VTA1: variants seen among roughly 807,000 people sequenced by gnomAD.
VTA1 encodes vacuolar protein sorting-associated protein VTA1 homolog.
Under a neutral mutation model 36.9 loss-of-function variants are expected in VTA1, and 24 were observed. The observed-to-expected ratio is 0.65, with a 90% CI of 0.47 to 0.91. The LOEUF (loss-of-function observed/expected upper bound fraction) is 0.91. Among genes scored for constraint, VTA1 ranks in the 40% least tolerant of loss-of-function variants. VTA1 has a pLI of 0.00. For synonymous variants in VTA1, 142 were observed against 130.2 expected (o/e 1.09, Z -0.62); for missense variants, 393 against 377.2 (o/e 1.04, Z -0.35).
intron 1 of VTA1, among the ~76,000 whole-genome samples, chr6:142,149,187 C>G (rs1415997115): frequency 1.3e-5 from 2 of 152,184 alleles, no homozygotes; most frequent in East Asian, 3.8e-4. Flanking sequence ...TAGCTTTACG[C>G]CTTTATCTTG....
intron 2 of VTA1, among the ~76,000 whole-genome samples, chr6:142,169,224 A>G (rs898852579): frequency 6.6e-6 from 1 of 152,182 alleles, no homozygotes; most frequent in African/African-American, 2.4e-5. Context: ...TTGGGTAATA[A>G]AACATGATTT....
intron 2 of VTA1, among the ~76,000 whole-genome samples, chr6:142,168,982 A>T (rs1164405895): frequency 6.6e-6 from 1 of 151,588 alleles, no homozygotes; most frequent in African/African-American, 2.4e-5. Flanking sequence ...TGTTAGCCAG[A>T]ATGGTCTCGA....
chr6:142,159,478 G>GTATTATTAT (rs199893577), intron 1 of VTA1, among the ~76,000 whole-genome samples: 62 of 134,842 alleles, frequency 4.6e-4, no homozygotes, highest in South Asian at 1.0e-3. Context: ...TTCATTTCAG[G>GTATTATTAT]TATTATTATT....
chr6:142,214,503 G>A (rs1157854045), intron 7 of VTA1, among the ~76,000 whole-genome samples: 3 of 152,118 alleles, frequency 2.0e-5, no homozygotes, highest in Non-Finnish European at 2.9e-5. Context: ...AGAACAGCAA[G>A]GGGGACATCC....
intron 7 of VTA1, among the ~76,000 whole-genome samples, chr6:142,212,134 T>C (rs889209802): frequency 2.1e-4 from 32 of 152,346 alleles, no homozygotes; most frequent in African/African-American, 7.5e-4. Flanking sequence ...TAAATACATT[T>C]ACCTTAGGAT....
chr6:142,202,737 G>C (rs903635516), intron 6 of VTA1, among the ~76,000 whole-genome samples: 1 of 151,938 alleles, frequency 6.6e-6, no homozygotes, highest in African/African-American at 2.4e-5. Flanking sequence ...GGGTGGAAAG[G>C]TGTCATAGAA....
At chr6:142,176,347 G>A (rs186433048) in intron 4 of VTA1, among the ~76,000 whole-genome samples, 128 of 152,222 alleles carry the variant, frequency 8.4e-4, no homozygotes, top group Non-Finnish European at 1.6e-3. Flanking sequence ...TTCTGCCCTC[G>A]TTGAGCTTAT....
intron 6 of VTA1, among the ~76,000 whole-genome samples, chr6:142,200,850 T>G (rs140511776): frequency 2.7e-4 from 41 of 152,088 alleles, no homozygotes; most frequent in African/African-American, 7.5e-4. Flanking sequence ...CCTATCATAT[T>G]TTATACACTC....
At chr6:142,187,046 ATTTCAT>A (rs1434054609) in intron 4 of VTA1, among the ~76,000 whole-genome samples, 3 of 152,164 alleles carry the variant, frequency 2.0e-5, no homozygotes, top group Non-Finnish European at 4.4e-5. Context: ...GGGCCCAGAT[ATTTCAT>A]TTTTAAAAGA....
intron 4 of VTA1, among the ~76,000 whole-genome samples, chr6:142,179,935 A>G (rs1038551954): frequency 6.6e-6 from 1 of 152,178 alleles, no homozygotes; most frequent in African/African-American, 2.4e-5. Flanking sequence ...TTTAGTTACA[A>G]TGTGGAATGA....
At chr6:142,160,801 T>C (rs1263731853) in intron 1 of VTA1, among the ~76,000 whole-genome samples, 1 of 152,148 alleles carries the variant, frequency 6.6e-6, no homozygotes, top group Non-Finnish European at 1.5e-5. Context: ...AGAATCTGTG[T>C]TCTCATTTTA....
intron 4 of VTA1, among the ~76,000 whole-genome samples, chr6:142,185,483 TA>T (rs1409604979): frequency 6.6e-6 from 1 of 152,180 alleles, no homozygotes; most frequent in Non-Finnish European, 1.5e-5. Flanking sequence ...AGGTTAATAA[TA>T]AACATTTTAA....
chr6:142,215,996 G>C (rs983249784), intron 7 of VTA1, among the ~76,000 whole-genome samples: 3 of 152,010 alleles, frequency 2.0e-5, no homozygotes, highest in Non-Finnish European at 4.4e-5. Context: ...TCTGCAGCTC[G>C]TCTGTAACTT....
chr6:142,198,611 C>T lies in VTA1; in HGVS notation c.693C>T (p.Ser231=), dbSNP rs1775616750. 1.9e-6 allele frequency: 3 copies of T among 1,608,332 alleles called. No individual in the cohort carries two copies. Among genetic ancestry groups the T allele is most frequent in the Admixed American group, 3.4e-5 (2 of 59,512 alleles). The change falls in exon 6 of 8, where the codon AGC becomes AGT. Residue 231 remains serine (S), a synonymous_variant. Transcript: ENST00000367630. ...ATACACCAGCAGAAGTGCCTCACAG[C>T]ACAGGTGGGAAACTGTAACTGAATG... ...PANTPAEVPH[S]TGVASNTIQP...
chr6:142,158,259 T>C (rs900080944), intron 1 of VTA1, among the ~76,000 whole-genome samples: 1 of 152,174 alleles, frequency 6.6e-6, no homozygotes, highest in African/African-American at 2.4e-5. Flanking sequence ...TATAATTTTA[T>C]ATGTGTATAT....
chr6:142,166,776 A>G (rs1257113798), intron 2 of VTA1, among the ~76,000 whole-genome samples: 1 of 151,928 alleles, frequency 6.6e-6, no homozygotes, highest in Non-Finnish European at 1.5e-5. Flanking sequence ...CACACGCTAA[A>G]CGCGCCCGGC....
intron 1 of VTA1, among the ~76,000 whole-genome samples, chr6:142,165,925 T>G (rs1389729157): frequency 6.6e-6 from 1 of 152,052 alleles, no homozygotes; most frequent in African/African-American, 2.4e-5. Flanking sequence ...CTGTGTGCTC[T>G]GTCTTACCAA....
chr6:142,215,973 A>G (rs549156173), intron 7 of VTA1, among the ~76,000 whole-genome samples: 4 of 152,156 alleles, frequency 2.6e-5, no homozygotes, highest in Non-Finnish European at 5.9e-5. Flanking sequence ...CCTCTTATAT[A>G]TAGATGGTCT....
chr6:142,173,512 G>C (rs1017104326), intron 4 of VTA1, among the ~76,000 whole-genome samples: 21 of 152,150 alleles, frequency 1.4e-4, no homozygotes, highest in Non-Finnish European at 4.4e-5. Context: ...CTCGTGATCT[G>C]CCCTCTCCTA....
Sources: allele counts gnomAD v4.1 joint callset (sites outside exome capture counted in the v4.1 genomes callset), GRCh38; gene constraint gnomAD v4.1.1; transcripts MANE v1.5; gene names NCBI Gene and HGNC (gene_info 2026-07-23, HGNC 2026-07-21).